WFS1: variants seen among roughly 807,000 people sequenced by gnomAD.
WFS1 encodes the protein wolframin.
WFS1 carries 90 observed loss-of-function variants against 68.5 expected under a neutral mutation model. That is an observed-to-expected ratio of 1.31 (90% confidence interval 1.11 to 1.56). WFS1 has a LOEUF of 1.56. Ranked by LOEUF, WFS1 falls within the 40% of genes most tolerant of loss-of-function variation. The pLI, the probability that WFS1 is intolerant of heterozygous loss-of-function variation, is 0.00. For missense variants in WFS1, 1,767 were observed against 1,232.6 expected (o/e 1.43, Z -6.49); for synonymous variants, 860 against 540.7 (o/e 1.59, Z -8.19).
chr4:6,272,251 CA>C (rs2109104554), intron 1 of WFS1, among the ~76,000 whole-genome samples: 1 of 152,362 alleles, frequency 6.6e-6, no homozygotes, highest in South Asian at 2.1e-4. Context: ...GTGCTTGGCA[CA>C]AGATGGACCT....
At chr4:6,298,719 A>G (rs918044488) in intron 7 of WFS1, among the ~76,000 whole-genome samples, 1 of 152,220 alleles carries the variant, frequency 6.6e-6, no homozygotes, top group Non-Finnish European at 1.5e-5. Flanking sequence ...TGGAAGACTC[A>G]GTCTTCTGGT....
chr4:6,296,538 TCA>T (rs1730645307), intron 7 of WFS1, among the ~76,000 whole-genome samples: 1 of 152,208 alleles, frequency 6.6e-6, no homozygotes, highest in Non-Finnish European at 1.5e-5. Flanking sequence ...GCAAGCATAT[TCA>T]CAGATTGGGT....
In WFS1 at chr4:6,302,989, G is replaced by A. The variant is rs1731018929; in HGVS notation, c.*521G>A. 2 of 170,866 alleles carry A rather than the reference G, an allele frequency of 1.2e-5. No individual in the cohort carries two copies. The highest frequency in any genetic ancestry group is 2.6e-5 in the Non-Finnish European group (2 of 78,304). The allele number at this position is 170,866 out of a possible 1,614,324, so 10.6% of individuals were successfully genotyped here. A position where few individuals can be genotyped will look rare whatever the true frequency, so the allele number is the denominator to read the frequency against. On this transcript the variant is annotated 3_prime_UTR_variant, in exon 8 of 8. Transcript: ENST00000226760. Reference sequence around the variant, plus strand: ...GAGCCTGTCACGTGGTCAAGGCCCGGCCCCATCAGAGGCTGGGGGAGGCGG... The same window carrying A: ...GAGCCTGTCACGTGGTCAAGGCCCGACCCCATCAGAGGCTGGGGGAGGCGG...
chr4:6,278,237 G>A (rs190064451), intron 2 of WFS1, among the ~76,000 whole-genome samples: 1 of 152,272 alleles, frequency 6.6e-6, no homozygotes, highest in East Asian at 1.9e-4. Context: ...CTGAGGCCCT[G>A]GGTGTTCAAA....
At chr4:6,282,646 C>T (rs1375512495) in intron 2 of WFS1, among the ~76,000 whole-genome samples, 1 of 152,202 alleles carries the variant, frequency 6.6e-6, no homozygotes, top group Admixed American at 6.5e-5. Flanking sequence ...AAGCCAGCTG[C>T]CCTGCTCCCA....
In WFS1 at chr4:6,301,990, G is replaced by C. The variant is rs149013740; in HGVS notation, c.2195G>C (p.Arg732Pro). ...MLPFFIGDWM[R>P]CLYGEAYPAC... ...CCGTTCTTCATCGGCGACTGGATGC[G>C]CTGCCTCTACGGCGAGGCCTACCCT... Residue 732 changes from arginine to proline, a missense_variant, in exon 8 of 8, where the codon CGC becomes CCC. By Grantham distance (103) the Arg-to-Pro change is moderately radical. Coordinates refer to ENST00000226760, the MANE Select transcript of WFS1 (RefSeq NM_006005.3). The C allele has an allele frequency of 1.2e-6, 2 of 1,612,566 alleles. No homozygotes were observed. The highest frequency in any genetic ancestry group is 1.1e-5 in the South Asian group (1 of 91,052).
At chr4:6,273,739 C>A (rs1330031090) in intron 1 of WFS1, among the ~76,000 whole-genome samples, 1 of 152,212 alleles carries the variant, frequency 6.6e-6, no homozygotes, top group Non-Finnish European at 1.5e-5. Flanking sequence ...CTTTTCTGAT[C>A]TTCATTGTCC....
intron 1 of WFS1, among the ~76,000 whole-genome samples, chr4:6,272,904 A>C (rs1459071717): frequency 6.6e-6 from 1 of 152,242 alleles, no homozygotes; most frequent in Non-Finnish European, 1.5e-5. Context: ...CCAGCTGTAC[A>C]GCGTTGCACC....
At chr4:6,290,458 G>A (rs888239482) in intron 4 of WFS1, among the ~76,000 whole-genome samples, 3 of 152,258 alleles carry the variant, frequency 2.0e-5, no homozygotes, top group African/African-American at 4.8e-5. Flanking sequence ...GGGGCAGAGC[G>A]TGCAAGGGAG....
intron 7 of WFS1, among the ~76,000 whole-genome samples, chr4:6,300,278 T>G (rs902230364): frequency 1.6e-4 from 24 of 152,236 alleles, no homozygotes; most frequent in Admixed American, 1.6e-3. Context: ...CAGACAGGCA[T>G]CTCAGGGCTC....
chr4:6,302,105 C>A lies in WFS1; in HGVS notation c.2310C>A (p.Phe770Leu). The A allele has an allele frequency of 1.2e-6, 2 of 1,612,938 alleles. No homozygotes were observed. Among genetic ancestry groups the A allele is most frequent in the East Asian group, 2.2e-5 (1 of 44,880 alleles). The part of the protein sequence containing the change: ...LAKHPCHIKK[F>L]DRYKFEITVG... ...AGCACCCCTGCCACATCAAGAAGTT[C>A]GACCGCTACAAGTTTGAGATTACCG... The change falls in exon 8 of 8, where the codon TTC (phenylalanine) becomes TTA (leucine). Residue 770 changes from phenylalanine (F) to leucine (L), a missense_variant. Physicochemically the swap from Phe to Leu is conservative, Grantham distance 22. Coordinates refer to ENST00000226760, the MANE Select transcript of WFS1 (RefSeq NM_006005.3).
In WFS1 at chr4:6,299,264, C is replaced by T. The variant is rs116146879; in HGVS notation, c.862-1393C>T. On this transcript the variant is annotated intron_variant, in intron 7 of 7. Coordinates refer to ENST00000226760, the MANE Select transcript of WFS1 (RefSeq NM_006005.3). ...CACCCCATCCTGAGGCTGCTCCCAG[C>T]ATGCCTCCCTCAGCCCTCTGCTCCT... Among the ~76,000 whole-genome samples, 968 of 152,368 alleles carry T rather than the reference C, an allele frequency of 6.4e-3. 6 individuals carry two copies. Among genetic ancestry groups the T allele is most frequent in the African/African-American group, 0.021 (875 of 41,580 alleles).
In WFS1 at chr4:6,301,813, G is replaced by C. The variant is rs1730935451; in HGVS notation, c.2018G>C (p.Cys673Ser). 6.2e-7 allele frequency: 1 copy of C among 1,613,108 alleles called. No individual in the cohort carries two copies. Among genetic ancestry groups the C allele is most frequent in the African/African-American group, 1.3e-5 (1 of 74,952 alleles). Residue 673 changes from cysteine to serine, a missense_variant, in exon 8 of 8, where the codon TGC becomes TCC. Cys to Ser is a moderately radical substitution (Grantham distance 112, BLOSUM62 -1). Coordinates refer to ENST00000226760, the MANE Select transcript of WFS1 (RefSeq NM_006005.3). ...ACCTGGCAGCAGTATGGTGCGCTGTGCGGGCCACGCGCCTGGAAGGAGACC... is the reference window on the plus strand; with the variant it reads ...ACCTGGCAGCAGTATGGTGCGCTGTCCGGGCCACGCGCCTGGAAGGAGACC... ...TLTWQQYGAL[C>S]GPRAWKETNM...
Position 6,287,410 on chromosome 4 carries a change from C to T in WFS1, c.315+235C>T, listed in dbSNP as rs1730346039. The T allele has an allele frequency of 1.8e-6, 1 of 561,590 alleles. No individual in the cohort carries two copies. Among genetic ancestry groups the T allele is most frequent in the Non-Finnish European group, 3.2e-6 (1 of 310,900 alleles). 34.8% of individuals were successfully genotyped at this position (561,590 alleles called of 1,614,324 possible). On this transcript the variant is annotated intron_variant, in intron 3 of 7. Transcript: ENST00000226760. This position sits in a 1 kb window ranked among gnomAD's most constrained non-coding sequence, Gnocchi z 6.4. ...GCGCTCATCCCCCTTTTGTCCAACTCACACCTCATCTTGGGCATCACCTCC... is the reference window on the plus strand; with the variant it reads ...GCGCTCATCCCCCTTTTGTCCAACTTACACCTCATCTTGGGCATCACCTCC...
In WFS1 at chr4:6,301,931, C is replaced by T. The variant is rs753784863; in HGVS notation, c.2136C>T (p.Ile712=). ...GRFKYVRVTD[I]DNSAESAINM... ...TCAAGTACGTCCGCGTGACTGACAT[C>T]GACAACAGCGCCGAGTCTGCCATCA... Residue 712 remains isoleucine (I), a synonymous_variant, in exon 8 of 8, where the codon ATC becomes ATT. Coordinates refer to ENST00000226760, the MANE Select transcript of WFS1 (RefSeq NM_006005.3). The T allele has an allele frequency of 1.6e-5, 26 of 1,612,790 alleles. No individual in the cohort carries two copies. The highest frequency in any genetic ancestry group is 4.5e-5 in the East Asian group (2 of 44,878).
In WFS1 at chr4:6,287,412, C is replaced by T. The variant is rs1042182777; in HGVS notation, c.315+237C>T. 5 of 560,494 alleles carry T rather than the reference C, an allele frequency of 8.9e-6. No homozygotes were observed. The highest frequency in any genetic ancestry group is 2.0e-5 in the South Asian group (1 of 50,862). The allele number at this position is 560,494 out of a possible 1,614,324, so 34.7% of individuals were successfully genotyped here. On this transcript the variant is annotated intron_variant, in intron 3 of 7. Coordinates refer to ENST00000226760, the MANE Select transcript of WFS1 (RefSeq NM_006005.3). This position sits in a 1 kb window ranked among gnomAD's most constrained non-coding sequence, Gnocchi z 6.4. Reference sequence around the variant, plus strand: ...GCTCATCCCCCTTTTGTCCAACTCACACCTCATCTTGGGCATCACCTCCTC... The same window carrying T: ...GCTCATCCCCCTTTTGTCCAACTCATACCTCATCTTGGGCATCACCTCCTC...
At chr4:6,291,854 G>A in intron 5 of WFS1, 63 bp from the exon 6 acceptor site, 1 of 1,520,058 alleles carries the variant, frequency 6.6e-7, no homozygotes, top group Non-Finnish European at 8.9e-7. Flanking sequence ...AGTTTCTGGT[G>A]GGCTGCAGGG....
chr4:6,302,117 GTT>G lies in WFS1; in HGVS notation c.2324_2325del (p.Phe775Ter). 6.2e-7 allele frequency: 1 copy of G among 1,612,924 alleles called. No homozygotes were observed. Among genetic ancestry groups the G allele is most frequent in the Non-Finnish European group, 8.5e-7 (1 of 1,180,012 alleles). On this transcript the variant is annotated frameshift_variant, in exon 8 of 8. Coordinates refer to ENST00000226760, the MANE Select transcript of WFS1 (RefSeq NM_006005.3). LOFTEE classifies it high-confidence loss of function. Reference sequence around the variant, plus strand: ...ACATCAAGAAGTTCGACCGCTACAAGTTTGAGATTACCGTGGGCATGCCATTC... The same window carrying G: ...ACATCAAGAAGTTCGACCGCTACAAGTGAGATTACCGTGGGCATGCCATTC... ...CHIKKFDRYK[F>X]EITVGMPFSS...
chr4:6,296,785 T>C (rs191458984), intron 7 of WFS1, among the ~76,000 whole-genome samples: 43 of 152,376 alleles, frequency 2.8e-4, no homozygotes, highest in Admixed American at 5.9e-4. Flanking sequence ...CACCTAGTTA[T>C]GGATGGTGAG....
Sources: gnomAD v4.1 joint callset for allele counts (sites outside exome capture counted in the v4.1 genomes callset) on GRCh38, gnomAD v4.1.1 for gene constraint, Gnocchi (gnomAD v3.1) non-coding constraint, MANE v1.5 for transcripts, NCBI Gene and HGNC (gene_info 2026-07-23, HGNC 2026-07-21) for gene names.